Variants in NCAM2 observed in about 807,000 individuals in gnomAD.
The protein encoded by NCAM2 is N-CAM-2.
In NCAM2, 30 loss-of-function variants were observed where a neutral mutation model predicts 98.1. That is an observed-to-expected ratio of 0.31 (90% CI 0.23 to 0.41). The LOEUF (loss-of-function observed/expected upper bound fraction) is 0.41. Ranked by LOEUF, NCAM2 falls within the 10% of genes least tolerant of loss-of-function variation. The pLI is 1.00. For missense variants in NCAM2, 867 were observed against 1,005.8 expected (o/e 0.86, Z 1.87); for synonymous variants, 368 against 342.4 (o/e 1.07, Z -0.83).
chr21:21,462,517 C>T (rs1983115929), intron 12 of NCAM2, among the ~76,000 whole-genome samples: 1 of 151,804 alleles, frequency 6.6e-6, no homozygotes, highest in Non-Finnish European at 1.5e-5. Flanking sequence ...TTGTGTAGTT[C>T]CCTTTAATAA....
In NCAM2 at chr21:21,468,732, A is replaced by T; in HGVS notation, c.1845A>T (p.Lys615Asn). ...AGAGCTTTAAACTCAGCATCACCAA[A>T]CAGGACGATGGAGGGGCCCCTATTT... Reference protein sequence around the residue: ...SGKSFKLSITKQDDGGAPILE... With the variant: ...SGKSFKLSITNQDDGGAPILE... Residue 615 changes from lysine to asparagine, a missense_variant, in exon 14 of 18, where the codon AAA becomes AAT. Around this residue, in one of 5 missense-constraint regions of NCAM2, gnomAD observed 234 missense variants for 333.8 expected, o/e 0.70. Transcript: ENST00000400546. 1 of 1,612,140 alleles carries T rather than the reference A, an allele frequency of 6.2e-7. No individual in the cohort carries two copies. Among genetic ancestry groups the T allele is most frequent in the Non-Finnish European group, 8.5e-7 (1 of 1,178,770 alleles).
chr21:21,335,528 A>G lies in NCAM2; in HGVS notation c.761A>G (p.Asn254Ser). 1 of 1,596,098 alleles carries G rather than the reference A, an allele frequency of 6.3e-7. No homozygotes were observed. The highest frequency in any genetic ancestry group is 8.5e-7 in the Non-Finnish European group (1 of 1,172,198). The change falls in exon 7 of 18, where the codon AAT becomes AGT. Residue 254 changes from asparagine to serine, a missense_variant. By Grantham distance (46) the Asn-to-Ser change is conservative. Around this residue, in one of 5 missense-constraint regions of NCAM2, gnomAD observed 447 missense variants for 495.7 expected, o/e 0.90. Coordinates refer to ENST00000400546, the MANE Select transcript of NCAM2 (RefSeq NM_004540.5). The part of the protein sequence containing the change: ...WFRNGKLIEE[N>S]EKYILKGSNT... ...AGGAATGGCAAGCTCATTGAAGAAA[A>G]TGAGAAGTACATATTGAAAGGGAGC...
At chr21:21,120,921 T>C (rs892279683) in intron 1 of NCAM2, among the ~76,000 whole-genome samples, 2 of 152,034 alleles carry the variant, frequency 1.3e-5, no homozygotes, top group African/African-American at 4.8e-5. Flanking sequence ...TTTCAGCATC[T>C]TGACCAGGCT....
chr21:21,265,507 GTATA>G (rs1408645093), intron 1 of NCAM2, among the ~76,000 whole-genome samples: 1 of 140,644 alleles, frequency 7.1e-6, no homozygotes, highest in African/African-American at 2.6e-5. Flanking sequence ...ATATATGTGT[GTATA>G]TATACACATA....
At position 21,373,797 on chromosome 21, in the gene NCAM2, A is replaced by G; in HGVS notation, c.1045-66A>G. 4 of 1,332,276 alleles carry G rather than the reference A, an allele frequency of 3.0e-6. No individual in the cohort carries two copies. The African/African-American group carries it at 4.5e-5, about 15-fold the overall frequency. The allele number at this position is 1,332,276 out of a possible 1,614,324, so 82.5% of individuals were successfully genotyped here. ...AACATGGGAAGTAACATAATGTTAT[A>G]TGTTTGGTCACCATTTTGCACACAC... On this transcript the variant is annotated intron_variant, in intron 8 of 17. Coordinates refer to ENST00000400546, the MANE Select transcript of NCAM2 (RefSeq NM_004540.5).
At chr21:21,202,140 G>A (rs543177407) in intron 1 of NCAM2, among the ~76,000 whole-genome samples, 2 of 152,250 alleles carry the variant, frequency 1.3e-5, no homozygotes, top group South Asian at 4.1e-4. Flanking sequence ...TGGCTTTGGA[G>A]CTGGAATATC....
chr21:21,537,725 C>T (rs1308261894), intron 17 of NCAM2, 121 bp from the exon 18 acceptor site: 2 of 459,698 alleles, frequency 4.4e-6, no homozygotes, highest in Non-Finnish European at 7.8e-6. Flanking sequence ...ACTTATTTAG[C>T]ATATATAAAA....
intron 1 of NCAM2, among the ~76,000 whole-genome samples, chr21:21,149,745 CATT>C (rs1458787982): frequency 2.0e-5 from 3 of 152,086 alleles, no homozygotes; most frequent in Non-Finnish European, 4.4e-5. Flanking sequence ...GACATGATCT[CATT>C]ATTTTTTATG....
chr21:21,356,142 G>C (rs1372816149), intron 8 of NCAM2, among the ~76,000 whole-genome samples: 1 of 152,134 alleles, frequency 6.6e-6, no homozygotes, highest in East Asian at 1.9e-4. Flanking sequence ...AAGATAGGCA[G>C]TTCCTTAAAT....
chr21:21,444,470 T>G (rs1010945734), intron 12 of NCAM2, among the ~76,000 whole-genome samples: 11 of 152,092 alleles, frequency 7.2e-5, no homozygotes, highest in Middle Eastern at 3.2e-3. Context: ...CCTGGGCTTT[T>G]TTTTTGGTTG....
chr21:21,411,123 T>A (rs868260242), intron 10 of NCAM2, among the ~76,000 whole-genome samples: 1 of 60,826 alleles, frequency 1.6e-5, no homozygotes, highest in African/African-American at 6.1e-5. Flanking sequence ...TATATATATA[T>A]ACACATATAT....
chr21:21,116,743 T>C (rs559780897), intron 1 of NCAM2, among the ~76,000 whole-genome samples: 60 of 152,150 alleles, frequency 3.9e-4, no homozygotes, highest in Admixed American at 5.9e-4. Flanking sequence ...TAGTCCCACC[T>C]ACTCAGGAGG....
At chr21:21,158,725 TG>T (rs2067689313) in intron 1 of NCAM2, among the ~76,000 whole-genome samples, 1 of 152,182 alleles carries the variant, frequency 6.6e-6, no homozygotes, top group Non-Finnish European at 1.5e-5. Context: ...ATGACGCTGA[TG>T]TAAACAAACC....
At chr21:21,231,360 A>C (rs1179216094) in intron 1 of NCAM2, among the ~76,000 whole-genome samples, 3 of 151,410 alleles carry the variant, frequency 2.0e-5, no homozygotes, top group Non-Finnish European at 4.4e-5. Flanking sequence ...ACTTACAGGA[A>C]TATATGTATC....
intron 12 of NCAM2, among the ~76,000 whole-genome samples, chr21:21,454,329 C>T (rs1458196273): frequency 6.6e-6 from 1 of 151,998 alleles, no homozygotes; most frequent in Non-Finnish European, 1.5e-5. Context: ...TTTTATTCTG[C>T]CAACTGATCT....
At chr21:21,444,060 A>G (rs1979716376) in intron 12 of NCAM2, among the ~76,000 whole-genome samples, 1 of 151,982 alleles carries the variant, frequency 6.6e-6, no homozygotes, top group African/African-American at 2.4e-5. Context: ...GGGATGTTGA[A>G]TTTTTTCAAA....
intron 14 of NCAM2, among the ~76,000 whole-genome samples, chr21:21,469,938 A>G (rs891312905): frequency 2.6e-5 from 4 of 152,026 alleles, no homozygotes; most frequent in Non-Finnish European, 2.9e-5. Flanking sequence ...AGGCTTGGCC[A>G]GAATTCATGA....
At chr21:21,470,194 A>T (rs1984259902) in intron 14 of NCAM2, among the ~76,000 whole-genome samples, 1 of 152,008 alleles carries the variant, frequency 6.6e-6, no homozygotes, top group Non-Finnish European at 1.5e-5. Flanking sequence ...GTAGCACTGC[A>T]TCTATTTAGA....
chr21:21,251,174 C>CT (rs1327598050), intron 1 of NCAM2, among the ~76,000 whole-genome samples: 1 of 151,984 alleles, frequency 6.6e-6, no homozygotes, highest in Non-Finnish European at 1.5e-5. Context: ...TTTTATTATA[C>CT]TTTAAGTTCC....
Sources: allele counts gnomAD v4.1 joint callset (sites outside exome capture counted in the v4.1 genomes callset), GRCh38; gene constraint gnomAD v4.1.1; regional missense constraint gnomAD v4.1.1; transcripts MANE v1.5; gene names NCBI Gene and HGNC (gene_info 2026-07-23, HGNC 2026-07-21).